Variants in PCDH15 observed in about 807,000 individuals in gnomAD.
PCDH15 encodes the protein protocadherin-15.
Under a neutral mutation model 178.5 loss-of-function variants are expected in PCDH15, and 129 were observed. The ratio of observed to expected loss-of-function variants is 0.72; its 90% CI spans 0.63 to 0.84. PCDH15 has a LOEUF of 0.84. Ranked by LOEUF, PCDH15 falls within the 40% of genes least tolerant of loss-of-function variation. The pLI is 0.00. For synonymous variants in PCDH15, 800 were observed against 732.0 expected (o/e 1.09, Z -1.50); for missense variants, 2,230 against 2,099.9 (o/e 1.06, Z -1.21).
intron 16 of PCDH15, among the ~76,000 whole-genome samples, chr10:54,083,946 C>T (rs1565214123): frequency 6.6e-6 from 1 of 152,028 alleles, no homozygotes; most frequent in Non-Finnish European, 1.5e-5. Flanking sequence ...AAAAATTTGG[C>T]CAGGCGCGGT....
chr10:53,805,274 T>C lies in PCDH15; in HGVS notation c.*1305A>G, dbSNP rs1406452245. On this transcript the variant is annotated 3_prime_UTR_variant, in exon 38 of 38. Transcript: ENST00000644397. ...ATACTGTGCAAAATTTGAAGTGAGC[T>C]ACATCTATATCATACTAAGTAATAT... is the stretch of plus-strand genomic sequence containing the variant. The C allele has an allele frequency of 3.3e-5, 5 of 152,082 alleles. No individual in the cohort carries two copies. Among genetic ancestry groups the C allele is most frequent in the African/African-American group, 7.2e-5 (3 of 41,442 alleles). The allele number at this position is 152,082 out of a possible 1,614,324, so 9.4% of individuals were successfully genotyped here.
At chr10:54,945,605 G>T (rs1670830) in intron 2 of PCDH15, among the ~76,000 whole-genome samples, 66,125 of 151,228 alleles carry the variant, frequency 0.44, 14,605 homozygotes, top group Middle Eastern at 0.55. Context: ...TGGAACCATG[G>T]TATTAAAGAG....
intron 26 of PCDH15, among the ~76,000 whole-genome samples, chr10:53,870,267 T>G (rs530862942): frequency 2.6e-5 from 4 of 152,320 alleles, no homozygotes; most frequent in African/African-American, 7.2e-5. Context: ...TGCAAAAGTT[T>G]GGGTGTGGAA....
At position 54,666,933 on chromosome 10, in the gene PCDH15, T is replaced by C. The variant is rs550617196; in HGVS notation, c.-28-2643A>G. 2.6e-5 allele frequency among the ~76,000 whole-genome samples: 4 copies of C among 152,120 alleles called. No homozygotes were observed. The South Asian group carries it at 8.3e-4, about 32-fold the overall frequency. ...AGTCTCCAATATAAAAACAACATGA[T>C]GGATCATTATTTTAAAATCATTAAT... is the stretch of plus-strand genomic sequence containing the variant. On this transcript the variant is annotated intron_variant, in intron 1 of 37. Coordinates refer to ENST00000644397, the MANE Select transcript of PCDH15 (RefSeq NM_001384140.1).
At chr10:55,433,819 C>A (rs537611573) in intron 2 of PCDH15, among the ~76,000 whole-genome samples, 62 of 151,996 alleles carry the variant, frequency 4.1e-4, no homozygotes, top group African/African-American at 1.4e-3. Context: ...TGGTGTAAGG[C>A]AGGGATACTT....
chr10:54,455,744 C>A (rs2076776647), intron 3 of PCDH15, among the ~76,000 whole-genome samples: 1 of 152,058 alleles, frequency 6.6e-6, no homozygotes, highest in African/African-American at 2.4e-5. Flanking sequence ...CACAATAGCC[C>A]CTCCCATCAC....
chr10:55,038,149 T>C (rs963074874), intron 2 of PCDH15, among the ~76,000 whole-genome samples: 1 of 152,178 alleles, frequency 6.6e-6, no homozygotes, highest in Non-Finnish European at 1.5e-5. Context: ...ACAACACATA[T>C]ATGTACCATA....
At chr10:55,274,300 T>C (rs113314816) in intron 1 of PCDH15, among the ~76,000 whole-genome samples, 120 of 152,234 alleles carry the variant, frequency 7.9e-4, no homozygotes, top group Non-Finnish European at 1.3e-3. Flanking sequence ...CTCAGGATAG[T>C]GAATACTGCC....
chr10:55,575,732 T>A (rs1170489438), intron 2 of PCDH15: 1 of 152,142 alleles, frequency 6.6e-6, no homozygotes, highest in Non-Finnish European at 1.5e-5. Flanking sequence ...CAAAAACACA[T>A]TGCACTTTAA....
chr10:54,835,456 T>C (rs1233549611), intron 3 of PCDH15, among the ~76,000 whole-genome samples: 1 of 152,132 alleles, frequency 6.6e-6, no homozygotes, highest in Non-Finnish European at 1.5e-5. Context: ...TGTACATCCC[T>C]ATACATATCC....
intron 2 of PCDH15, among the ~76,000 whole-genome samples, chr10:55,080,841 G>A (rs1842022950): frequency 6.6e-6 from 1 of 152,104 alleles, no homozygotes; most frequent in Admixed American, 6.5e-5. Flanking sequence ...TGGTATGGAG[G>A]GTGGGGTTGC....
intron 9 of PCDH15, among the ~76,000 whole-genome samples, chr10:54,225,780 C>A (rs1040134541): frequency 2.0e-5 from 3 of 152,162 alleles, no homozygotes; most frequent in Admixed American, 1.3e-4. Context: ...TAGACCCATG[C>A]TATTACCACT....
At chr10:53,837,750 A>AACACACACACACACAC (rs146785616) in intron 29 of PCDH15, among the ~76,000 whole-genome samples, 1 of 149,796 alleles carries the variant, frequency 6.7e-6, no homozygotes, top group African/African-American at 2.4e-5. Context: ...AGCCTTGGAA[A>AACACACACACACACAC]ACACACACAC....
intron 10 of PCDH15, among the ~76,000 whole-genome samples, chr10:54,211,462 A>T (rs2051420118): frequency 6.6e-6 from 1 of 152,136 alleles, no homozygotes; most frequent in South Asian, 2.1e-4. Flanking sequence ...AAAGTTTGTG[A>T]ACTATTCCAT....
chr10:54,779,488 G>GTGTGTGTA (rs147450863), intron 1 of PCDH15, among the ~76,000 whole-genome samples: 8 of 53,320 alleles, frequency 1.5e-4, no homozygotes, highest in Admixed American at 1.9e-4. Flanking sequence ...ACATATATAT[G>GTGTGTGTA]TATATATATA....
chr10:54,750,626 T>C (rs1357642527), intron 1 of PCDH15, among the ~76,000 whole-genome samples: 1 of 152,144 alleles, frequency 6.6e-6, no homozygotes, highest in African/African-American at 2.4e-5. Flanking sequence ...AATTATCAAC[T>C]AAGTTTATTT....
At chr10:55,222,389 C>T (rs1564906090) in intron 1 of PCDH15, among the ~76,000 whole-genome samples, 1 of 151,708 alleles carries the variant, frequency 6.6e-6, no homozygotes, top group African/African-American at 2.4e-5. Flanking sequence ...ACATGTCAAA[C>T]TTTGTGTTAG....
chr10:54,509,842 T>C (rs1369687411), intron 3 of PCDH15, among the ~76,000 whole-genome samples: 1 of 152,196 alleles, frequency 6.6e-6, no homozygotes, highest in Non-Finnish European at 1.5e-5. Flanking sequence ...TGTTACCTAC[T>C]ATTCATCAAC....
chr10:55,203,020 A>G (rs567886090), intron 1 of PCDH15, among the ~76,000 whole-genome samples: 1 of 152,220 alleles, frequency 6.6e-6, no homozygotes, highest in Non-Finnish European at 1.5e-5. Context: ...CTAGTTCCTT[A>G]CAATACCATC....
Sources: allele counts gnomAD v4.1 joint callset (sites outside exome capture counted in the v4.1 genomes callset), GRCh38; gene constraint gnomAD v4.1.1; transcripts MANE v1.5; gene names NCBI Gene and HGNC (gene_info 2026-07-23, HGNC 2026-07-21).